C19orf12: variants seen among roughly 807,000 people sequenced by gnomAD.
C19orf12 encodes protein C19orf12.
A neutral mutation model predicts 3.8 loss-of-function variants in C19orf12; 2 were observed. The observed-to-expected ratio is 0.53, with a 90% CI of 0.22 to 1.66. C19orf12 has a LOEUF of 1.66. Ranked by LOEUF, C19orf12 falls within the 40% of genes most tolerant of loss-of-function variation. The pLI is 0.20. For synonymous variants in C19orf12, 89 were observed against 84.6 expected (o/e 1.05, Z -0.28); for missense variants, 156 against 188.8 (o/e 0.83, Z 1.02).
chr19:29,715,099 CG>C, intron 1 of C19orf12, 25 bp downstream of exon 1: 1 of 613,400 alleles, frequency 1.6e-6, no homozygotes, highest in Non-Finnish European at 2.9e-6. Context: ...GGAGGCGCCC[CG>C]CCCCGGCTCC....
chr19:29,714,344 A>C (rs904620027), intron 1 of C19orf12, among the ~76,000 whole-genome samples: 1 of 152,064 alleles, frequency 6.6e-6, no homozygotes, highest in African/African-American at 2.4e-5. Context: ...AATACAAAAA[A>C]ATTAGCCAGG....
chr19:29,701,172 AAACATTT>A lies in C19orf12; in HGVS notation c.*1533_*1539del. On this transcript the variant is annotated 3_prime_UTR_variant, in exon 3 of 3. Transcript: ENST00000323670. ...TATGTGGGAAAATGGCTTTTTAGAA[AAACATTT>A]ATTGTAATCGATCACATTCAAGTCG... The A allele has an allele frequency of 2.2e-6, 1 of 454,170 alleles. No homozygotes were observed. The highest frequency in any genetic ancestry group is 4.4e-6 in the Non-Finnish European group (1 of 226,812). 28.1% of individuals were successfully genotyped at this position (454,170 alleles called of 1,614,324 possible).
rs886173990 is a variant in C19orf12 at position 29,699,282 on chromosome 19, A to C, written c.*3430T>G. On this transcript the variant is annotated 3_prime_UTR_variant, in exon 3 of 3. Coordinates refer to ENST00000323670, the MANE Select transcript of C19orf12 (RefSeq NM_031448.6). ...GGAGATTGAGACCATCCTGGCTAAC[A>C]TGGTGAAACCCCGTCTCTACTAAAA... 2.4e-6 allele frequency: 1 copy of C among 409,184 alleles called. No homozygotes were observed. Among genetic ancestry groups the C allele is most frequent in the Non-Finnish European group, 4.8e-6 (1 of 208,798 alleles). The allele number at this position is 409,184 out of a possible 1,614,324, so 25.3% of individuals were successfully genotyped here. A position where few individuals can be genotyped will look rare whatever the true frequency, so the allele number is the denominator to read the frequency against.
chr19:29,702,934 T>A lies in C19orf12; in HGVS notation c.204A>T (p.Gly68=), dbSNP rs1555714878. The A allele has an allele frequency of 1.2e-6, 2 of 1,614,152 alleles. No homozygotes were observed. The highest frequency in any genetic ancestry group is 3.3e-4 in the Middle Eastern group (2 of 6,062). Residue 68 remains glycine (G), a synonymous_variant, in exon 3 of 3, where the codon GGA becomes GGT. Coordinates refer to ENST00000323670, the MANE Select transcript of C19orf12 (RefSeq NM_031448.6). ...GGLLGAWMTS[G]QFKPVPQILM... is the part of the protein sequence containing the mutation. ...GGATCTGAGGAACCGGCTTAAACTG[T>A]CCACTTGTCATCCAGGCACCTAACA...
Position 29,702,387 on chromosome 19 carries a change from C to T in C19orf12, c.*325G>A. 7.3e-6 allele frequency: 4 copies of T among 550,646 alleles called. No individual in the cohort carries two copies. The highest frequency in any genetic ancestry group is 6.1e-5 in the South Asian group (4 of 65,316). The allele number at this position is 550,646 out of a possible 1,614,324, so 34.1% of individuals were successfully genotyped here. A position where few individuals can be genotyped will look rare whatever the true frequency, so the allele number is the denominator to read the frequency against. Reference sequence around the variant, plus strand: ...TCAGACCGTCGGCTGAGCGTGATCACTTCCCCAGACCCATGCGGGTGAGAG... The same window carrying T: ...TCAGACCGTCGGCTGAGCGTGATCATTTCCCCAGACCCATGCGGGTGAGAG... On this transcript the variant is annotated 3_prime_UTR_variant, in exon 3 of 3. Coordinates refer to ENST00000323670, the MANE Select transcript of C19orf12 (RefSeq NM_031448.6).
rs1423678256 is a variant in C19orf12, at chr19:29,702,622, G to T, written c.*90C>A. 6.5e-7 allele frequency: 1 copy of T among 1,530,774 alleles called. No individual in the cohort carries two copies. The highest frequency in any genetic ancestry group is 2.2e-5 in the East Asian group (1 of 44,504). 94.8% of individuals were successfully genotyped at this position (1,530,774 alleles called of 1,614,324 possible). On this transcript the variant is annotated 3_prime_UTR_variant, in exon 3 of 3. Coordinates refer to ENST00000323670, the MANE Select transcript of C19orf12 (RefSeq NM_031448.6). ...TGATGATGTGGAGATTCCCCAGGGG[G>T]CATCCGCTGGGCTTCTCCCAACTCC...
rs550040462 is a variant in C19orf12, at chr19:29,699,515, T to C, written c.*3197A>G. ...AAAAAAAGAAAAAAAGAAAAAAATA[T>C]ATGTGTACCTACATAGCATTAAAAC... is the stretch of plus-strand genomic sequence containing the variant. On this transcript the variant is annotated 3_prime_UTR_variant, in exon 3 of 3. Coordinates refer to ENST00000323670, the MANE Select transcript of C19orf12 (RefSeq NM_031448.6). 3.0e-5 allele frequency: 13 copies of C among 434,552 alleles called. No individual in the cohort carries two copies. Among genetic ancestry groups the C allele is most frequent in the African/African-American group, 2.1e-4 (10 of 48,558 alleles). The allele number at this position is 434,552 out of a possible 1,614,324, so 26.9% of individuals were successfully genotyped here.
Position 29,714,198 on chromosome 19 carries a change from A to C in C19orf12, c.-11+927T>G, listed in dbSNP as rs554915017. 1.2e-4 allele frequency among the ~76,000 whole-genome samples: 19 copies of C among 152,234 alleles called. No homozygotes were observed. In the East Asian group the frequency reaches 3.5e-3, roughly 28 times the overall value. ...TCCAAGATGGTGAAACCCCGTCTCT[A>C]CTAAAAAATACAAAAATTGGTCGGG... On this transcript the variant is annotated intron_variant, in intron 1 of 2. Transcript: ENST00000323670.
At chr19:29,714,454 A>G (rs935571089) in intron 1 of C19orf12, among the ~76,000 whole-genome samples, 3 of 152,082 alleles carry the variant, frequency 2.0e-5, no homozygotes, top group African/African-American at 7.2e-5. Context: ...AGATCGCGCC[A>G]TTGCACTCCA....
chr19:29,702,123 A>G lies in C19orf12; in HGVS notation c.*589T>C, dbSNP rs1352805515. ...TGCAGCCTAGTGGGGGCCGGGGTCA[A>G]GTCCACTCGGTATTTGTGGCTTCAC... On this transcript the variant is annotated 3_prime_UTR_variant, in exon 3 of 3. Coordinates refer to ENST00000323670, the MANE Select transcript of C19orf12 (RefSeq NM_031448.6). 2 of 451,524 alleles carry G rather than the reference A, an allele frequency of 4.4e-6. No individual in the cohort carries two copies. The highest frequency in any genetic ancestry group is 8.9e-6 in the Non-Finnish European group (2 of 225,146). The allele number at this position is 451,524 out of a possible 1,614,324, so 28.0% of individuals were successfully genotyped here.
At chr19:29,715,327 C>G (rs755273072), upstream of C19orf12, 5 of 390,616 alleles carry the variant, frequency 1.3e-5, 1 homozygote, top group South Asian at 8.8e-5. Flanking sequence ...GCCGGGCCAG[C>G]TCCTGGCTCC....
At chr19:29,712,368 T>G (rs189462959) in intron 1 of C19orf12, among the ~76,000 whole-genome samples, 1 of 151,582 alleles carries the variant, frequency 6.6e-6, no homozygotes. Context: ...ATCACACCAC[T>G]GCACTCCAGC....
chr19:29,702,639 C>T lies in C19orf12; in HGVS notation c.*73G>A. 1 of 1,603,046 alleles carries T rather than the reference C, an allele frequency of 6.2e-7. No individual in the cohort carries two copies. Among genetic ancestry groups the T allele is most frequent in the Non-Finnish European group, 8.5e-7 (1 of 1,172,900 alleles). On this transcript the variant is annotated 3_prime_UTR_variant, in exon 3 of 3. Transcript: ENST00000323670. ...CCCAGGGGGCATCCGCTGGGCTTCT[C>T]CCAACTCCCAAGCCACCTCTTCAGA...
Position 29,700,299 on chromosome 19 carries a change from G to C in C19orf12, c.*2413C>G, listed in dbSNP as rs776802194. 1.5e-5 allele frequency: 7 copies of C among 454,010 alleles called. No homozygotes were observed. The highest frequency in any genetic ancestry group is 3.1e-5 in the Non-Finnish European group (7 of 226,798). The allele number at this position is 454,010 out of a possible 1,614,324, so 28.1% of individuals were successfully genotyped here. On this transcript the variant is annotated 3_prime_UTR_variant, in exon 3 of 3. Transcript: ENST00000323670. Reference sequence around the variant, plus strand: ...GAAGGATTTGCTGTAAGCAACCGGAGAAGTTGGCATTTGTTCAACATGGAA... The same window carrying C: ...GAAGGATTTGCTGTAAGCAACCGGACAAGTTGGCATTTGTTCAACATGGAA...
Position 29,701,490 on chromosome 19 carries a change from T to C in C19orf12, c.*1222A>G, listed in dbSNP as rs1236491301. On this transcript the variant is annotated 3_prime_UTR_variant, in exon 3 of 3. Transcript: ENST00000323670. The stretch of plus-strand genomic sequence containing the variant: ...GCAAGAAAAAAAGGTCTGTACGTGT[T>C]CAGTACCAATGCAATTTCTTTTTTC... 1 of 454,160 alleles carries C rather than the reference T, an allele frequency of 2.2e-6. No individual in the cohort carries two copies. The highest frequency in any genetic ancestry group is 4.4e-6 in the Non-Finnish European group (1 of 226,802). The allele number at this position is 454,160 out of a possible 1,614,324, so 28.1% of individuals were successfully genotyped here. A position where few individuals can be genotyped will look rare whatever the true frequency, so the allele number is the denominator to read the frequency against.
At chr19:29,703,227 C>G (rs1184748298) in intron 2 of C19orf12, among the ~76,000 whole-genome samples, 4 of 152,082 alleles carry the variant, frequency 2.6e-5, no homozygotes, top group East Asian at 1.9e-4. Context: ...TTTAAGGATG[C>G]AAAATGAAGC....
chr19:29,698,902 A>T (rs932934596), downstream of C19orf12: 2 of 386,116 alleles, frequency 5.2e-6, no homozygotes, highest in Admixed American at 6.9e-5. Context: ...TAAATCCAGC[A>T]ATTTCACTTT....
chr19:29,715,788 G>A (rs1414812882), upstream of C19orf12: 1 of 153,832 alleles, frequency 6.5e-6, no homozygotes, highest in Non-Finnish European at 1.5e-5. Context: ...AGCAGGTTGG[G>A]TGGGACTCGT....
chr19:29,714,227 GC>G (rs1310991964), intron 1 of C19orf12, among the ~76,000 whole-genome samples: 1 of 152,138 alleles, frequency 6.6e-6, no homozygotes, highest in East Asian at 1.9e-4. Flanking sequence ...GGTCGGGGTG[GC>G]TCACGTCTGT....
Sources: gnomAD v4.1 joint callset for allele counts (sites outside exome capture counted in the v4.1 genomes callset) on GRCh38, gnomAD v4.1.1 for gene constraint, MANE v1.5 for transcripts, NCBI Gene and HGNC (gene_info 2026-07-23, HGNC 2026-07-21) for gene names.